Variants in NFATC2 observed in about 807,000 individuals in gnomAD.
NFATC2 encodes the protein nuclear factor of activated T cells 2.
Under a neutral mutation model 87.3 loss-of-function variants are expected in NFATC2, and 22 were observed. The ratio of observed to expected loss-of-function variants is 0.25; its 90% CI spans 0.18 to 0.36. The LOEUF is 0.36. NFATC2 is among the 10% of genes least tolerant of loss of function. The pLI, the probability that NFATC2 is intolerant of heterozygous loss-of-function variation, is 1.00. For synonymous variants in NFATC2, 565 were observed against 542.2 expected (o/e 1.04, Z -0.58); for missense variants, 1,149 against 1,259.1 (o/e 0.91, Z 1.32).
chr20:51,514,447 G>C (rs1219222444), intron 3 of NFATC2, among the ~76,000 whole-genome samples: 2 of 152,238 alleles, frequency 1.3e-5, no homozygotes, highest in Non-Finnish European at 2.9e-5. Context: ...TAAGAAGGAA[G>C]TTGTGGTCTC....
intron 10 of NFATC2, among the ~76,000 whole-genome samples, chr20:51,397,468 G>A (rs1051173875): frequency 4.6e-5 from 7 of 152,198 alleles, no homozygotes; most frequent in African/African-American, 1.7e-4. Flanking sequence ...GGCCTGAGCC[G>A]CTGGCTTGCC....
At position 51,523,311 on chromosome 20, in the gene NFATC2, G is replaced by A. The variant is rs773463984; in HGVS notation, c.930C>T (p.Leu310=). The stretch of plus-strand genomic sequence containing the variant: ...GGATCCCACAAGGCGAGTCCGTGGC[G>A]AGGCTGTTCAGGGCATCCATGATCA... ...SAVIMDALNS[L]ATDSPCGIPP... The change falls in exon 2 of 11, where the codon CTC becomes CTT. Residue 310 remains leucine, a synonymous_variant. Coordinates refer to ENST00000371564, the MANE Select transcript of NFATC2 (RefSeq NM_012340.5). The surrounding 1 kb of genome is among the most constrained non-coding windows in gnomAD (Gnocchi z 6.9). 1.4e-5 allele frequency: 22 copies of A among 1,613,654 alleles called. No individual in the cohort carries two copies. In the East Asian group the frequency reaches 1.8e-4, roughly 13 times the overall value.
chr20:51,561,487 GCAA>G (rs2077030715), intron 1 of NFATC2, among the ~76,000 whole-genome samples: 1 of 80,856 alleles, frequency 1.2e-5, no homozygotes, highest in South Asian at 4.4e-4. Context: ...AAGAAAGAAA[GCAA>G]GCAAGCAAGC....
chr20:51,491,830 T>A (rs1412499653), intron 3 of NFATC2, among the ~76,000 whole-genome samples: 1 of 150,984 alleles, frequency 6.6e-6, no homozygotes, highest in Admixed American at 6.6e-5. Flanking sequence ...GATTTTCACA[T>A]CTGCTCGTTG....
Position 51,428,931 on chromosome 20 carries a change from T to C in NFATC2, c.2722+3136A>G, listed in dbSNP as rs138106458. 5.1e-3 allele frequency among the ~76,000 whole-genome samples: 773 copies of C among 152,286 alleles called. 6 individuals carry two copies. The highest frequency in any genetic ancestry group is 0.018 in the African/African-American group (742 of 41,572). On this transcript the variant is annotated intron_variant, in intron 9 of 10. Transcript: ENST00000371564. The stretch of plus-strand genomic sequence containing the variant: ...CACGGGCCCCGTGCAGCCAAATATG[T>C]GCCGTGTGCGACAGACTCCCTTGAA...
At chr20:51,402,863 C>T (rs1056961209) in intron 9 of NFATC2, among the ~76,000 whole-genome samples, 1 of 152,208 alleles carries the variant, frequency 6.6e-6, no homozygotes, top group African/African-American at 2.4e-5. Context: ...GGCCTGGCTT[C>T]ATAAAGATAT....
chr20:51,554,272 C>T (rs1052589322), intron 1 of NFATC2, among the ~76,000 whole-genome samples: 3 of 152,206 alleles, frequency 2.0e-5, no homozygotes, highest in African/African-American at 7.2e-5. Context: ...CCCAACTTCA[C>T]AAAAACATCT....
rs1989171631 is a variant in NFATC2 at position 51,480,605 on chromosome 20, GT to G, written c.1333-4946del. On this transcript the variant is annotated intron_variant, in intron 3 of 10. Transcript: ENST00000371564. This position sits in a 1 kb window ranked among gnomAD's most constrained non-coding sequence, Gnocchi z 4.2. ...AGTGTGGTATAGCTGAAAGCACAAA[GT>G]TTTTCACTTTGGGTCAGACATATCT... Among the ~76,000 whole-genome samples the G allele has an allele frequency of 6.6e-6, 1 of 152,182 alleles. No homozygotes were observed. The highest frequency in any genetic ancestry group is 1.5e-5 in the Non-Finnish European group (1 of 68,032).
rs1186507805 is a variant in NFATC2, at chr20:51,480,147, G to A, written c.1333-4487C>T. Among the ~76,000 whole-genome samples, 1 of 152,040 alleles carries A rather than the reference G, an allele frequency of 6.6e-6. No individual in the cohort carries two copies. The highest frequency in any genetic ancestry group is 1.5e-5 in the Non-Finnish European group (1 of 68,010). On this transcript the variant is annotated intron_variant, in intron 3 of 10. Transcript: ENST00000371564. The surrounding 1 kb of genome is among the most constrained non-coding windows in gnomAD (Gnocchi z 4.2). The stretch of plus-strand genomic sequence containing the variant: ...TGTGAAAAATACAAAAATTAGCCAG[G>A]TATGGTGGCACGTGCCTGTAATCCC...
At chr20:51,510,225 C>T (rs780705760) in intron 3 of NFATC2, among the ~76,000 whole-genome samples, 1 of 152,200 alleles carries the variant, frequency 6.6e-6, no homozygotes, top group African/African-American at 2.4e-5. Flanking sequence ...CAAAGTATCC[C>T]CTCCAGGGAA....
chr20:51,482,290 T>G (rs983174926), intron 3 of NFATC2, among the ~76,000 whole-genome samples: 4 of 151,748 alleles, frequency 2.6e-5, no homozygotes, highest in African/African-American at 9.7e-5. Flanking sequence ...ATTCAAGATC[T>G]GCCTATTTTT....
At chr20:51,398,293 TG>T (rs1211438684) in intron 10 of NFATC2, among the ~76,000 whole-genome samples, 1 of 152,060 alleles carries the variant, frequency 6.6e-6, no homozygotes, top group African/African-American at 2.4e-5. Context: ...CCACCACGGA[TG>T]GAGAGCCTCA....
At chr20:51,483,491 T>C (rs367680260) in intron 3 of NFATC2, among the ~76,000 whole-genome samples, 6 of 152,038 alleles carry the variant, frequency 3.9e-5, no homozygotes, top group East Asian at 1.9e-4. Flanking sequence ...CCCATGGCCA[T>C]GCAGCACATG....
intron 9 of NFATC2, among the ~76,000 whole-genome samples, chr20:51,419,405 TAAAGG>T (rs939061617): frequency 1.3e-5 from 2 of 152,212 alleles, no homozygotes; most frequent in Non-Finnish European, 2.9e-5. Context: ...GTTACGCCCT[TAAAGG>T]AAAGGGCGTG....
chr20:51,442,606 G>A (rs762496518), intron 6 of NFATC2, among the ~76,000 whole-genome samples: 1 of 152,066 alleles, frequency 6.6e-6, no homozygotes, highest in Non-Finnish European at 1.5e-5. Flanking sequence ...GCCTGAATGC[G>A]TGAGGTGAGA....
intron 8 of NFATC2, among the ~76,000 whole-genome samples, chr20:51,434,334 T>G (rs577315849): frequency 4.9e-4 from 75 of 152,288 alleles, no homozygotes; most frequent in Admixed American, 9.1e-4. Flanking sequence ...GGATGCAAAT[T>G]ATACCCTGGG....
Position 51,432,665 on chromosome 20 carries a change from G to T in NFATC2, c.2124C>A (p.Tyr708Ter). The T allele has an allele frequency of 6.4e-7, 1 of 1,564,964 alleles. No homozygotes were observed. Among genetic ancestry groups the T allele is most frequent in the Non-Finnish European group, 8.6e-7 (1 of 1,161,934 alleles). The change falls in exon 9 of 11, where the codon TAC (tyrosine) becomes TAA (stop). Residue 708 changes from tyrosine (Y) to a stop codon, truncating the protein, a stop_gained. Coordinates refer to ENST00000371564, the MANE Select transcript of NFATC2 (RefSeq NM_012340.5). LOFTEE classifies it high-confidence loss of function. The surrounding 1 kb of genome is among the most constrained non-coding windows in gnomAD (Gnocchi z 4.6). ...ACTCGGCCACCATCGGGTGCTGGGG[G>T]TAGTAAGGCTGGCTCCCCAGGCCTC... ...THGGLGSQPY[Y>*]PQHPMVAESP...
At chr20:51,557,707 C>T (rs2076990165) in intron 1 of NFATC2, among the ~76,000 whole-genome samples, 1 of 152,296 alleles carries the variant, frequency 6.6e-6, no homozygotes, top group South Asian at 2.1e-4. Context: ...TGTCCGAATG[C>T]TGTGGTCCTA....
At chr20:51,560,726 T>TAC (rs35708151) in intron 1 of NFATC2, among the ~76,000 whole-genome samples, 12,937 of 150,600 alleles carry the variant, frequency 0.086, 647 homozygotes, top group Non-Finnish European at 0.12. Flanking sequence ...CTCCCACATG[T>TAC]ACACACACAC....
Sources: allele counts gnomAD v4.1 joint callset (sites outside exome capture counted in the v4.1 genomes callset), GRCh38; gene constraint gnomAD v4.1.1; non-coding constraint Gnocchi (gnomAD v3.1); transcripts MANE v1.5; gene names NCBI Gene and HGNC (gene_info 2026-07-23, HGNC 2026-07-21).